WDR36: variants seen among roughly 807,000 people sequenced by gnomAD.
The protein encoded by WDR36 is WD repeat-containing protein 36.
A neutral mutation model predicts 112.7 loss-of-function variants in WDR36; 63 were observed. The ratio of observed to expected loss-of-function variants is 0.56; its 90% confidence interval spans 0.46 to 0.69. The LOEUF (loss-of-function observed/expected upper bound fraction) is 0.69, where lower values mean the gene tolerates loss of function less well. Ranked by LOEUF, WDR36 falls within the 30% of genes least tolerant of loss-of-function variation. WDR36 has a pLI of 0.00. For synonymous variants in WDR36, 410 were observed against 362.2 expected, an observed-to-expected ratio of 1.13 and a Z score of -1.50; for missense variants, 1,226 against 1,070.3, an observed-to-expected ratio of 1.15 and a Z score of -2.03.
rs925594610 is a variant in WDR36 at position 111,110,724 on chromosome 5, G to A, written c.1442-64G>A. 4.0e-6 allele frequency: 6 copies of A among 1,518,950 alleles called. No individual in the cohort carries two copies. In the East Asian group the frequency reaches 9.3e-5, roughly 24 times the overall value. 94.1% of individuals were successfully genotyped at this position (1,518,950 alleles called of 1,614,324 possible). On this transcript the variant is annotated intron_variant, in intron 13 of 22. Transcript: ENST00000513710. ...TATTTGAATGAAGGAATCACTGTGT[G>A]TATTGTTCAGAGAGAAACACTGCCA...
chr5:111,122,845 G>A (rs550484322), intron 19 of WDR36, among the ~76,000 whole-genome samples: 6 of 152,252 alleles, frequency 3.9e-5, no homozygotes, highest in Non-Finnish European at 7.4e-5. Flanking sequence ...GGTGGGGCAC[G>A]GTGGCGCACG....
In WDR36 at chr5:111,106,311, T is replaced by G. The variant is rs898741975; in HGVS notation, c.1180+168T>G. On this transcript the variant is annotated intron_variant, in intron 11 of 22. Coordinates refer to ENST00000513710, the MANE Select transcript of WDR36 (RefSeq NM_139281.3). ...TGTGTGAAGACTAAAAATGAGTTAT[T>G]TTAAATGTGAACTTCTTATCTATTA... Among the ~76,000 whole-genome samples, 4 of 151,538 alleles carry G rather than the reference T, an allele frequency of 2.6e-5. No individual in the cohort carries two copies. In the Admixed American group the frequency reaches 2.6e-4, roughly 10 times the overall value.
In WDR36 at chr5:111,129,810, G is replaced by A. The variant is rs186873182; in HGVS notation, c.*2927G>A. ...CTATGTTTACATGTGCTCATTTCAC[G>A]TCATGTATTTTCCTCTACGACATGT... On this transcript the variant is annotated 3_prime_UTR_variant, in exon 23 of 23. Coordinates refer to ENST00000513710, the MANE Select transcript of WDR36 (RefSeq NM_139281.3). 1.8e-3 allele frequency: 374 copies of A among 205,208 alleles called. 1 individual carries two copies. The highest frequency in any genetic ancestry group is 7.7e-3 in the African/African-American group (338 of 43,892). 12.7% of individuals were successfully genotyped at this position (205,208 alleles called of 1,614,324 possible).
chr5:111,111,331 T>C (rs781243095), intron 15 of WDR36, 53 bp downstream of exon 15: 1 of 1,410,234 alleles, frequency 7.1e-7, no homozygotes, highest in Admixed American at 1.7e-5. Flanking sequence ...TTTGTTTGGG[T>C]GTGTTATCCT....
At chr5:111,116,814 A>G (rs940255301) in intron 16 of WDR36, among the ~76,000 whole-genome samples, 2 of 152,220 alleles carry the variant, frequency 1.3e-5, no homozygotes, top group East Asian at 1.9e-4. Flanking sequence ...TACACAATGA[A>G]GTTGACAAGA....
intron 21 of WDR36, among the ~76,000 whole-genome samples, chr5:111,124,839 A>G (rs987410421): frequency 6.6e-6 from 1 of 152,212 alleles, no homozygotes; most frequent in African/African-American, 2.4e-5. Flanking sequence ...AATGATACTG[A>G]TGAGCCCTTG....
chr5:111,121,700 G>C (rs1201556633), intron 19 of WDR36, among the ~76,000 whole-genome samples: 1 of 152,130 alleles, frequency 6.6e-6, no homozygotes, highest in African/African-American at 2.4e-5. Flanking sequence ...CTTTGTCCTT[G>C]AGGAATTTAT....
At chr5:111,113,841 T>G (rs1418674528) in intron 16 of WDR36, among the ~76,000 whole-genome samples, 2 of 152,116 alleles carry the variant, frequency 1.3e-5, no homozygotes, top group Non-Finnish European at 2.9e-5. Flanking sequence ...TCTCTTCTTA[T>G]AAAGCCACCA....
intron 1 of WDR36, 88 bp from the exon 2 acceptor site, chr5:111,094,832 G>C: frequency 1.9e-6 from 2 of 1,061,042 alleles, no homozygotes; most frequent in Non-Finnish European, 2.8e-6. Flanking sequence ...GCAAATATAC[G>C]TATGAGGTTA....
chr5:111,127,536 G>A lies in WDR36; in HGVS notation c.*653G>A. On this transcript the variant is annotated 3_prime_UTR_variant, in exon 23 of 23. Transcript: ENST00000513710. Reference sequence around the variant, plus strand: ...TCATCTTCTAGCACAGCCCTGTTGTGTTGCAGGAGAGGAATCAGGCTAAAG... The same window carrying A: ...TCATCTTCTAGCACAGCCCTGTTGTATTGCAGGAGAGGAATCAGGCTAAAG... The A allele has an allele frequency of 4.8e-6, 1 of 210,360 alleles. No homozygotes were observed. Among genetic ancestry groups the A allele is most frequent in the East Asian group, 7.1e-5 (1 of 14,108 alleles). The allele number at this position is 210,360 out of a possible 1,614,324, so 13.0% of individuals were successfully genotyped here.
At chr5:111,096,772 T>C (rs1752995044) in intron 2 of WDR36, among the ~76,000 whole-genome samples, 1 of 152,196 alleles carries the variant, frequency 6.6e-6, no homozygotes, top group Non-Finnish European at 1.5e-5. Flanking sequence ...GCTTTGTGTT[T>C]CAAATGACAG....
intron 16 of WDR36, among the ~76,000 whole-genome samples, chr5:111,117,952 C>T (rs941371337): frequency 6.6e-6 from 1 of 152,120 alleles, no homozygotes; most frequent in Non-Finnish European, 1.5e-5. Flanking sequence ...CTTTTCACTT[C>T]CTGCTACCAC....
In WDR36 at chr5:111,103,912, C is replaced by G. The variant is rs748219538; in HGVS notation, c.724C>G (p.Arg242Gly). 5.0e-6 allele frequency: 8 copies of G among 1,610,712 alleles called. No individual in the cohort carries two copies. The highest frequency in any genetic ancestry group is 4.2e-6 in the Non-Finnish European group (5 of 1,178,074). The change falls in exon 7 of 23, where the codon CGC becomes GGC. Residue 242 changes from arginine to glycine, a missense_variant. Coordinates refer to ENST00000513710, the MANE Select transcript of WDR36 (RefSeq NM_139281.3). ...DWGPITSISF[R>G]TDGHPVMAAG... ...GGGACCCATTACTTCAATTTCATTT[C>G]GCACAGGTAACTTTTAACATACTTA...
At chr5:111,114,359 A>G (rs1407160498) in intron 16 of WDR36, among the ~76,000 whole-genome samples, 1 of 152,204 alleles carries the variant, frequency 6.6e-6, no homozygotes, top group African/African-American at 2.4e-5. Flanking sequence ...ATATTCCCAA[A>G]TTAAGCTCTG....
intron 11 of WDR36, among the ~76,000 whole-genome samples, chr5:111,107,034 T>C (rs140748918): frequency 6.6e-5 from 10 of 151,590 alleles, no homozygotes; most frequent in African/African-American, 2.4e-4. Context: ...GTTAGGTATG[T>C]TAATTAGCTT....
At chr5:111,110,461 G>C (rs2112578192) in intron 13 of WDR36, among the ~76,000 whole-genome samples, 158 bp downstream of exon 13, 2 of 151,536 alleles carry the variant, frequency 1.3e-5, no homozygotes, top group South Asian at 2.1e-4. Flanking sequence ...GTATCATAAG[G>C]ACCATGTTGA....
intron 1 of WDR36, among the ~76,000 whole-genome samples, chr5:111,094,407 G>T (rs1451998628): frequency 6.6e-6 from 1 of 152,130 alleles, no homozygotes; most frequent in Admixed American, 6.5e-5. Context: ...ATTACAGTCT[G>T]TAAGCCAGTC....
intron 16 of WDR36, among the ~76,000 whole-genome samples, chr5:111,116,481 C>T (rs970367641): frequency 2.6e-5 from 4 of 152,126 alleles, no homozygotes; most frequent in Non-Finnish European, 5.9e-5. Context: ...GAAGCAGTCT[C>T]CATTTGCTCA....
intron 13 of WDR36, 67 bp downstream of exon 13, chr5:111,110,370 A>G (rs980096218): frequency 1.5e-6 from 2 of 1,311,542 alleles, no homozygotes; most frequent in African/African-American, 1.5e-5. Flanking sequence ...GAAAGCTGGT[A>G]TGTATAATCT....
Sources: allele counts gnomAD v4.1 joint callset (sites outside exome capture counted in the v4.1 genomes callset), GRCh38; gene constraint gnomAD v4.1.1; transcripts MANE v1.5; gene names NCBI Gene and HGNC (gene_info 2026-07-23, HGNC 2026-07-21).